IFT81: variants seen among roughly 807,000 people sequenced by gnomAD.
The protein encoded by IFT81 is intraflagellar transport protein 81 homolog.
A neutral mutation model predicts 102.6 loss-of-function variants in IFT81; 72 were observed. The observed-to-expected ratio is 0.70, with a 90% CI of 0.58 to 0.85. The LOEUF (loss-of-function observed/expected upper bound fraction) is 0.85. IFT81 is among the 40% of genes least tolerant of loss of function. The pLI, the probability that IFT81 is intolerant of heterozygous loss-of-function variation, is 0.00. For synonymous variants in IFT81, 237 were observed against 242.7 expected, an observed-to-expected ratio of 0.98 and a Z score of 0.22; for missense variants, 723 against 787.3, an observed-to-expected ratio of 0.92 and a Z score of 0.98.
intron 12 of IFT81, among the ~76,000 whole-genome samples, chr12:110,190,107 C>G (rs73205085): frequency 0.054 from 8,163 of 152,228 alleles, 294 homozygotes; most frequent in Middle Eastern, 0.082. Context: ...AGCTGCCTAT[C>G]TCATTTTAAA....
intron 14 of IFT81, among the ~76,000 whole-genome samples, chr12:110,201,809 C>CA (rs1394694160): frequency 6.6e-6 from 1 of 152,088 alleles, no homozygotes; most frequent in African/African-American, 2.4e-5. Flanking sequence ...TACACAGCGT[C>CA]AGGGTAATCA....
At chr12:110,143,252 A>G in intron 8 of IFT81, 130 bp from the exon 9 acceptor site, 1 of 402,534 alleles carries the variant, frequency 2.5e-6, no homozygotes, top group Non-Finnish European at 3.9e-6. Flanking sequence ...CTTTTATTGT[A>G]CTATGCTATA....
intron 8 of IFT81, among the ~76,000 whole-genome samples, chr12:110,138,635 G>C (rs1278324334): frequency 6.6e-6 from 1 of 152,198 alleles, no homozygotes. Flanking sequence ...GTTTCTCCAT[G>C]TTGGTCAGGC....
intron 10 of IFT81, among the ~76,000 whole-genome samples, chr12:110,153,545 C>T (rs1461467199): frequency 1.3e-5 from 2 of 149,048 alleles, no homozygotes; most frequent in Non-Finnish European, 3.0e-5. Flanking sequence ...GCCTGGTATT[C>T]GTTAATTTAA....
chr12:110,132,488 G>C, intron 4 of IFT81, 59 bp from the exon 5 acceptor site: 1 of 659,430 alleles, frequency 1.5e-6, no homozygotes, highest in Non-Finnish European at 2.5e-6. Flanking sequence ...AAGAAAGAAA[G>C]AAAGAAAACT....
In IFT81 at chr12:110,217,785, G is replaced by A. The variant is rs559763894; in HGVS notation, c.1849-259G>A. Among the ~76,000 whole-genome samples the A allele has an allele frequency of 2.0e-5, 3 of 151,992 alleles. No individual in the cohort carries two copies. The South Asian group carries it at 6.2e-4, about 32-fold the overall frequency. On this transcript the variant is annotated intron_variant, in intron 18 of 18. Coordinates refer to ENST00000242591, the MANE Select transcript of IFT81 (RefSeq NM_014055.4). ...AGGCAAACAGTTTGACTTAGTGTTG[G>A]ATTTAGTAGAGCTCTTGATCTCCTG...
At chr12:110,202,475 A>G (rs1235442583) in intron 14 of IFT81, among the ~76,000 whole-genome samples, 1 of 148,370 alleles carries the variant, frequency 6.7e-6, no homozygotes, top group Non-Finnish European at 1.5e-5. Flanking sequence ...TTTTTTTGAG[A>G]TGGAGTCTCA....
At chr12:110,142,565 A>G (rs1285910555) in intron 8 of IFT81, among the ~76,000 whole-genome samples, 1 of 152,114 alleles carries the variant, frequency 6.6e-6, no homozygotes, top group Admixed American at 6.6e-5. Context: ...ATGAACTGTT[A>G]TAATAGAAAT....
chr12:110,192,753 G>A lies in IFT81; in HGVS notation c.1557+47G>A, dbSNP rs780151584. 3.2e-5 allele frequency: 35 copies of A among 1,080,560 alleles called. 1 individual carries two copies. The South Asian group carries it at 4.6e-4, about 14-fold the overall frequency. The allele number at this position is 1,080,560 out of a possible 1,614,324, so 66.9% of individuals were successfully genotyped here. A position where few individuals can be genotyped will look rare whatever the true frequency, so the allele number is the denominator to read the frequency against. On this transcript the variant is annotated intron_variant, in intron 14 of 18. Transcript: ENST00000242591. The stretch of plus-strand genomic sequence containing the variant: ...GTAATTTGATTTTATGATACTTTTA[G>A]TATTCTATCTTATTCACATGTGCTA...
At chr12:110,132,827 T>A (rs1838292951) in intron 5 of IFT81, among the ~76,000 whole-genome samples, 191 bp downstream of exon 5, 1 of 152,174 alleles carries the variant, frequency 6.6e-6, no homozygotes, top group Admixed American at 6.5e-5. Flanking sequence ...AAATTCACGA[T>A]GAGTAGTTAC....
intron 10 of IFT81, among the ~76,000 whole-genome samples, chr12:110,153,539 G>C (rs1193579194): frequency 6.6e-6 from 1 of 151,028 alleles, no homozygotes; most frequent in African/African-American, 2.4e-5. Flanking sequence ...CGCCCAGCCT[G>C]GTATTCGTTA....
chr12:110,146,198 A>G (rs957954857), intron 9 of IFT81, among the ~76,000 whole-genome samples: 2 of 152,186 alleles, frequency 1.3e-5, no homozygotes, highest in African/African-American at 2.4e-5. Context: ...ACTGAAAACC[A>G]TGGTTTTTGT....
rs757061250 is a variant in IFT81, at chr12:110,143,438, A to C, written c.838A>C (p.Lys280Gln). 19 of 1,527,370 alleles carry C rather than the reference A, an allele frequency of 1.2e-5. No individual in the cohort carries two copies. The East Asian group carries it at 4.5e-4, about 36-fold the overall frequency. 94.6% of individuals were successfully genotyped at this position (1,527,370 alleles called of 1,614,324 possible). A position where few individuals can be genotyped will look rare whatever the true frequency, so the allele number is the denominator to read the frequency against. ...IKFNLYMVTE[K>Q]FPKELENKKK... is the part of the protein sequence containing the mutation. ...ATTTAATTTATATATGGTAACTGAAAAATTTCCTAAAGAATTAGAAAATAA... is the reference window on the plus strand; with the variant it reads ...ATTTAATTTATATATGGTAACTGAACAATTTCCTAAAGAATTAGAAAATAA... Residue 280 changes from lysine (K) to glutamine (Q), a missense_variant, in exon 9 of 19, where the codon AAA (lysine) becomes CAA (glutamine). By Grantham distance (53) the Lys-to-Gln change is moderately conservative. Transcript: ENST00000242591.
intron 11 of IFT81, chr12:110,168,505 A>G: frequency 1.1e-6 from 1 of 927,322 alleles, no homozygotes; most frequent in East Asian, 1.2e-4. Flanking sequence ...AAATGCATAA[A>G]CGATTATACT....
rs151307041 is a variant in IFT81 at position 110,142,687 on chromosome 12, A to C, written c.782-695A>C. On this transcript the variant is annotated intron_variant, in intron 8 of 18. Transcript: ENST00000242591. ...AGGTGACTGCTCAAGCCCAGGAGTT[A>C]GAGACCAGCCTGGGCAACATGGCAA... Among the ~76,000 whole-genome samples, 656 of 151,722 alleles carry C rather than the reference A, an allele frequency of 4.3e-3. 2 individuals carry two copies. The highest frequency in any genetic ancestry group is 6.1e-3 in the Non-Finnish European group (417 of 67,892).
At chr12:110,189,342 T>TTATC (rs1399000643) in intron 12 of IFT81, among the ~76,000 whole-genome samples, 3 of 151,974 alleles carry the variant, frequency 2.0e-5, no homozygotes, top group Admixed American at 2.0e-4. Flanking sequence ...AAAATTTTAT[T>TTATC]TATTTATTTA....
intron 14 of IFT81, among the ~76,000 whole-genome samples, chr12:110,202,457 C>CT (rs1472257322): frequency 0.025 from 3,553 of 144,298 alleles, 140 homozygotes; most frequent in African/African-American, 0.081. Flanking sequence ...GTGATTCCAC[C>CT]TTTTTTTTTT....
chr12:110,125,842 T>G (rs1893802543), intron 1 of IFT81, among the ~76,000 whole-genome samples: 1 of 152,244 alleles, frequency 6.6e-6, no homozygotes, highest in South Asian at 2.1e-4. Context: ...TAGGCTTATG[T>G]TGTACTTGTG....
chr12:110,217,089 T>G (rs1870233422), intron 18 of IFT81, among the ~76,000 whole-genome samples: 1 of 152,082 alleles, frequency 6.6e-6, no homozygotes, highest in Non-Finnish European at 1.5e-5. Context: ...CAGTTTGACT[T>G]AGAGTCTCAT....
Sources: allele counts gnomAD v4.1 joint callset (sites outside exome capture counted in the v4.1 genomes callset), GRCh38; gene constraint gnomAD v4.1.1; transcripts MANE v1.5; gene names NCBI Gene and HGNC (gene_info 2026-07-23, HGNC 2026-07-21).